Variants in DDB2 observed in about 807,000 individuals in gnomAD.
The protein encoded by DDB2 is DNA damage-binding protein 2.
DDB2 carries 27 observed loss-of-function variants against 50.5 expected under a neutral mutation model. That is an observed-to-expected ratio of 0.53 (90% CI 0.39 to 0.74). DDB2 has a LOEUF of 0.74. Among genes scored for constraint, DDB2 ranks in the 30% least tolerant of loss-of-function variants. The pLI is 0.00. For missense variants in DDB2, 424 were observed against 545.6 expected (o/e 0.78, Z 2.22); for synonymous variants, 176 against 205.5 (o/e 0.86, Z 1.23).
At position 47,238,825 on chromosome 11, in the gene DDB2, G is replaced by C. The variant is rs760979102; in HGVS notation, c.1260G>C (p.Gln420His). The change falls in exon 10 of 10, where the codon CAG (glutamine) becomes CAC (histidine). Residue 420 changes from glutamine to histidine, a missense_variant. Physicochemically the swap from Gln to His is conservative, Grantham distance 24. Coordinates refer to ENST00000256996, the MANE Select transcript of DDB2 (RefSeq NM_000107.3). Reference sequence around the variant, plus strand: ...GTTACCACATTCTCATCTGGAGCCAGGAGGAAGCCAGGACACGGAAGTGAG... The same window carrying C: ...GTTACCACATTCTCATCTGGAGCCACGAGGAAGCCAGGACACGGAAGTGAG... Reference protein sequence around the residue: ...AMGYHILIWSQEEARTRK With the variant: ...AMGYHILIWSHEEARTRK 2.5e-6 allele frequency: 4 copies of C among 1,613,866 alleles called. No individual in the cohort carries two copies. Among genetic ancestry groups the C allele is most frequent in the Non-Finnish European group, 3.4e-6 (4 of 1,179,990 alleles).
At chr11:47,232,668 G>C in intron 3 of DDB2, 146 bp from the exon 4 acceptor site, 2 of 816,972 alleles carry the variant, frequency 2.4e-6, no homozygotes, top group South Asian at 2.8e-5. Flanking sequence ...TGAAGGCCCT[G>C]TAGAGAGCGT....
At chr11:47,236,634 A>C (rs542195840) in intron 7 of DDB2, among the ~76,000 whole-genome samples, 2 of 152,388 alleles carry the variant, frequency 1.3e-5, no homozygotes, top group Admixed American at 1.3e-4. Flanking sequence ...TGTTGTGAAG[A>C]TGAGTCAGTA....
At chr11:47,229,787 A>G (rs767269675) in intron 3 of DDB2, 16 of 414,292 alleles carry the variant, frequency 3.9e-5, no homozygotes, top group Non-Finnish European at 6.5e-5. Context: ...TTTTATAAGT[A>G]TCTCACCCTA....
At chr11:47,235,128 C>G in intron 6 of DDB2, 142 bp from the exon 7 acceptor site, 1 of 1,373,872 alleles carries the variant, frequency 7.3e-7, no homozygotes, top group Non-Finnish European at 1.0e-6. Flanking sequence ...TGTTGTTGTT[C>G]ACAGCCCAGA....
chr11:47,231,903 G>A (rs1054334086), intron 3 of DDB2, among the ~76,000 whole-genome samples: 1 of 152,122 alleles, frequency 6.6e-6, no homozygotes, highest in Non-Finnish European at 1.5e-5. Context: ...GGGATACCAC[G>A]ATGGAGTTTT....
Position 47,237,872 on chromosome 11 carries a change from G to T in DDB2, c.1059G>T (p.Val353=), listed in dbSNP as rs780557154. Residue 353 remains valine, a synonymous_variant, in exon 8 of 10, where the codon GTG becomes GTT. Coordinates refer to ENST00000256996, the MANE Select transcript of DDB2 (RefSeq NM_000107.3). ...ATCCTCGCTACAACCTCATTGTTGTGGGCCGATACCCAGATCCTAATTTCA... is the reference window on the plus strand; with the variant it reads ...ATCCTCGCTACAACCTCATTGTTGTTGGCCGATACCCAGATCCTAATTTCA... ...AWHPRYNLIV[V]GRYPDPNFKS... 3.1e-6 allele frequency: 5 copies of T among 1,614,050 alleles called. No homozygotes were observed. In the South Asian group the frequency reaches 5.5e-5, roughly 18 times the overall value.
At chr11:47,235,243 C>A (rs1193584414) in intron 6 of DDB2, 27 bp from the exon 7 acceptor site, 1 of 1,614,208 alleles carries the variant, frequency 6.2e-7, no homozygotes, top group Non-Finnish European at 8.5e-7. Context: ...GTGGTTCCTT[C>A]AGCTCAGGGG....
intron 3 of DDB2, among the ~76,000 whole-genome samples, chr11:47,221,533 C>T (rs974545859): frequency 3.9e-5 from 6 of 152,182 alleles, no homozygotes; most frequent in African/African-American, 9.6e-5. Context: ...CAACCTCTGC[C>T]TCCTGAGTTG....
At chr11:47,229,204 G>C (rs1187947945) in intron 3 of DDB2, among the ~76,000 whole-genome samples, 1 of 152,068 alleles carries the variant, frequency 6.6e-6, no homozygotes, top group Non-Finnish European at 1.5e-5. Context: ...TCAGTACATA[G>C]AGACTGGGCC....
chr11:47,232,730 T>C, intron 3 of DDB2, 84 bp from the exon 4 acceptor site: 1 of 1,513,014 alleles, frequency 6.6e-7, no homozygotes, highest in South Asian at 1.1e-5. Context: ...GGTGCTTCTG[T>C]GACGGCGCAG....
At chr11:47,230,686 T>A (rs4647730) in intron 3 of DDB2, among the ~76,000 whole-genome samples, 5,078 of 152,250 alleles carry the variant, frequency 0.033, 119 homozygotes, top group South Asian at 0.12. Context: ...GTTAGTATGT[T>A]GTGATAGCTA....
chr11:47,216,205 A>G (rs1350907442), intron 1 of DDB2, 131 bp from the exon 2 acceptor site: 9 of 1,386,748 alleles, frequency 6.5e-6, no homozygotes, highest in African/African-American at 2.8e-5. Flanking sequence ...CCACACAGAC[A>G]TGGAAAGGCC....
rs943544509 is a variant in DDB2 at position 47,215,194 on chromosome 11, A to G, written c.58A>G (p.Arg20Gly). ...GACCTCCGAGATTGTATTACGCCCC[A>G]GGAACAAGAGGAGCAGGAGTCCCCT... ...QKTSEIVLRPRNKRSRSPLEL... is the reference protein window; with the variant it reads ...QKTSEIVLRPGNKRSRSPLEL... The change falls in exon 1 of 10, where the codon AGG (arginine) becomes GGG (glycine). Residue 20 changes from arginine to glycine, a missense_variant. By Grantham distance (125) the Arg-to-Gly change is moderately radical. Transcript: ENST00000256996. 2.3e-5 allele frequency: 37 copies of G among 1,613,846 alleles called. No individual in the cohort carries two copies. Among genetic ancestry groups the G allele is most frequent in the Non-Finnish European group, 3.0e-5 (35 of 1,180,020 alleles).
chr11:47,216,714 A>G lies in DDB2; in HGVS notation c.265-144A>G, dbSNP rs952673674. 1.2e-5 allele frequency: 12 copies of G among 1,011,662 alleles called. No homozygotes were observed. In the African/African-American group the frequency reaches 1.9e-4, roughly 16 times the overall value. 62.7% of individuals were successfully genotyped at this position (1,011,662 alleles called of 1,614,324 possible). ...GATTATTCGTTCGTGTACATTGCAA[A>G]TATTTTCATGCACAGGGCAGGCAGT... On this transcript the variant is annotated intron_variant, in intron 2 of 9. Transcript: ENST00000256996.
chr11:47,217,532 T>A (rs192054388), intron 3 of DDB2: 1 of 153,202 alleles, frequency 6.5e-6, no homozygotes, highest in East Asian at 1.9e-4. Flanking sequence ...GATGATGATA[T>A]ATATTTTTCT....
chr11:47,233,083 T>G (rs1412570735), intron 4 of DDB2, 124 bp downstream of exon 4: 2 of 1,156,102 alleles, frequency 1.7e-6, no homozygotes, highest in Non-Finnish European at 2.6e-6. Flanking sequence ...GTCAGCCACT[T>G]TCCGCCCTTC....
chr11:47,237,487 G>A (rs922039008), intron 7 of DDB2: 51 of 324,044 alleles, frequency 1.6e-4, no homozygotes, highest in Non-Finnish European at 2.9e-4. Context: ...CTGGAGTGCA[G>A]TGACATGATC....
In DDB2 at chr11:47,215,107, A is replaced by T. The variant is rs1953381224; in HGVS notation, c.-30A>T. On this transcript the variant is annotated 5_prime_UTR_variant, in exon 1 of 10. Coordinates refer to ENST00000256996, the MANE Select transcript of DDB2 (RefSeq NM_000107.3). ...TCCTCCCTCCATGATCTTCGCATAG[A>T]GCACAGTACCCCTTCACACGGAGGA... The T allele has an allele frequency of 2.5e-6, 4 of 1,613,890 alleles. No homozygotes were observed. Among genetic ancestry groups the T allele is most frequent in the Non-Finnish European group, 3.4e-6 (4 of 1,179,930 alleles).
intron 4 of DDB2, chr11:47,233,284 A>G (rs555362847): frequency 1.7e-5 from 7 of 413,336 alleles, no homozygotes; most frequent in Non-Finnish European, 2.7e-5. Flanking sequence ...AACAGCTCAG[A>G]ACTTGAGACT....
Sources: gnomAD v4.1 joint callset for allele counts (sites outside exome capture counted in the v4.1 genomes callset) on GRCh38, gnomAD v4.1.1 for gene constraint, MANE v1.5 for transcripts, NCBI Gene and HGNC (gene_info 2026-07-23, HGNC 2026-07-21) for gene names.